PCSK6: variants seen among roughly 807,000 people sequenced by gnomAD.
PCSK6 encodes proprotein convertase subtilisin/kexin type 6.
PCSK6 carries 85 observed loss-of-function variants against 123.3 expected under a neutral mutation model. That is an observed-to-expected ratio of 0.69 (90% CI 0.58 to 0.83). The LOEUF (loss-of-function observed/expected upper bound fraction) is 0.83. Among genes scored for constraint, PCSK6 ranks in the 40% least tolerant of loss-of-function variants. The pLI is 0.00. For synonymous variants in PCSK6, 508 were observed against 516.0 expected, an observed-to-expected ratio of 0.98 and a Z score of 0.21; for missense variants, 1,191 against 1,282.3, an observed-to-expected ratio of 0.93 and a Z score of 1.09.
intron 13 of PCSK6, among the ~76,000 whole-genome samples, chr15:101,341,555 C>A (rs1415832233): frequency 1.3e-5 from 2 of 152,102 alleles, no homozygotes; most frequent in African/African-American, 2.4e-5. Flanking sequence ...AGTCCCCATG[C>A]CCGGCCTAAA....
At chr15:101,324,462 A>C (rs994438399) in intron 17 of PCSK6, among the ~76,000 whole-genome samples, 10 of 152,182 alleles carry the variant, frequency 6.6e-5, no homozygotes, top group African/African-American at 9.7e-5. Context: ...CCTGGAGGAG[A>C]AATTACAGCA....
rs528478879 is a variant in PCSK6 at position 101,384,741 on chromosome 15, C to T, written c.1311-316G>A. 2.0e-5 allele frequency among the ~76,000 whole-genome samples: 3 copies of T among 152,332 alleles called. No homozygotes were observed. In the East Asian group the frequency reaches 5.8e-4, roughly 29 times the overall value. On this transcript the variant is annotated intron_variant, in intron 9 of 21. Coordinates refer to ENST00000611716, the MANE Select transcript of PCSK6 (RefSeq NM_002570.5). ...AATTCTGAAAATACAAGACACTTAACATAATAGTAAATGTTTATTAAATAC... is the reference window on the plus strand; with the variant it reads ...AATTCTGAAAATACAAGACACTTAATATAATAGTAAATGTTTATTAAATAC...
intron 1 of PCSK6, among the ~76,000 whole-genome samples, chr15:101,479,239 C>T (rs1442502304): frequency 7.2e-5 from 11 of 152,166 alleles, no homozygotes; most frequent in Admixed American, 7.2e-4. Context: ...GTAGACCACA[C>T]AAGGAAGGGG....
chr15:101,428,445 C>A (rs1000980759), intron 5 of PCSK6, among the ~76,000 whole-genome samples: 1 of 152,152 alleles, frequency 6.6e-6, no homozygotes, highest in African/African-American at 2.4e-5. Flanking sequence ...TCACCTGCCT[C>A]ATCCCCTATG....
Position 101,350,064 on chromosome 15 carries a change from A to G in PCSK6, c.1858+16132T>C, listed in dbSNP as rs149225921. On this transcript the variant is annotated intron_variant, in intron 13 of 21. Coordinates refer to ENST00000611716, the MANE Select transcript of PCSK6 (RefSeq NM_002570.5). ...GCTGAGACTACAGGTGCACGCCACC[A>G]TGCCCGGCTAATTTTTGTATTTTTA... Among the ~76,000 whole-genome samples the G allele has an allele frequency of 7.9e-3, 1,198 of 152,178 alleles. 19 individuals are homozygous for G. The highest frequency in any genetic ancestry group is 0.027 in the African/African-American group (1,137 of 41,532).
At chr15:101,431,224 G>A (rs1567216218) in intron 4 of PCSK6, 96 bp downstream of exon 4, 5 of 1,268,324 alleles carry the variant, frequency 3.9e-6, no homozygotes, top group Non-Finnish European at 5.6e-6. Flanking sequence ...AATGGGGGCT[G>A]GGGGAGATCG....
chr15:101,389,426 CAT>C (rs1491142670), intron 9 of PCSK6, 36 bp downstream of exon 9: 5 of 1,237,460 alleles, frequency 4.0e-6, no homozygotes, highest in Non-Finnish European at 4.5e-6. Flanking sequence ...ACAATCTAAA[CAT>C]TTTTTTTTTT....
chr15:101,451,878 A>T (rs538892062), intron 1 of PCSK6, among the ~76,000 whole-genome samples: 21 of 152,238 alleles, frequency 1.4e-4, no homozygotes, highest in Non-Finnish European at 2.9e-4. Flanking sequence ...AAACGTTATA[A>T]ATATAGATGA....
chr15:101,397,098 C>T (rs990816192), intron 7 of PCSK6, among the ~76,000 whole-genome samples: 6 of 152,050 alleles, frequency 3.9e-5, no homozygotes, highest in African/African-American at 1.2e-4. Flanking sequence ...GCCTGACGCC[C>T]GGGAAAGGTA....
intron 6 of PCSK6, among the ~76,000 whole-genome samples, chr15:101,403,310 T>A (rs900025613): frequency 6.8e-6 from 1 of 147,034 alleles, no homozygotes; most frequent in South Asian, 2.3e-4. Flanking sequence ...TTAGGAGATA[T>A]ACCTAATGCT....
At chr15:101,311,120 T>G (rs1208442014) in intron 20 of PCSK6, among the ~76,000 whole-genome samples, 1 of 151,978 alleles carries the variant, frequency 6.6e-6, no homozygotes, top group Non-Finnish European at 1.5e-5. Flanking sequence ...CTGACTTTTT[T>G]TTTTCTTTTG....
At chr15:101,316,714 A>G (rs1225872467) in intron 19 of PCSK6, among the ~76,000 whole-genome samples, 8 of 152,254 alleles carry the variant, frequency 5.3e-5, no homozygotes, top group East Asian at 3.9e-4. Context: ...GGGTGGTCTG[A>G]GGTCAGCCTG....
In PCSK6 at chr15:101,369,872, C is replaced by T. The variant is rs181376288; in HGVS notation, c.1721+463G>A. 7.1e-3 allele frequency among the ~76,000 whole-genome samples: 1,086 copies of T among 152,308 alleles called. 18 individuals carry two copies. The highest frequency in any genetic ancestry group is 0.025 in the African/African-American group (1,043 of 41,568). Reference sequence around the variant, plus strand: ...GCCTGTCTGTATTCCCGGGACAGGCCCCTGCTGGTGCAGGTTCTGCAGGGC... The same window carrying T: ...GCCTGTCTGTATTCCCGGGACAGGCTCCTGCTGGTGCAGGTTCTGCAGGGC... On this transcript the variant is annotated intron_variant, in intron 12 of 21. Coordinates refer to ENST00000611716, the MANE Select transcript of PCSK6 (RefSeq NM_002570.5).
Position 101,489,354 on chromosome 15 carries a change from GC to G in PCSK6, c.297+19del. The G allele has an allele frequency of 8.8e-7, 1 of 1,140,806 alleles. No homozygotes were observed. 70.7% of individuals were successfully genotyped at this position (1,140,806 alleles called of 1,614,324 possible). On this transcript the variant is annotated intron_variant, in intron 1 of 21. Transcript: ENST00000611716. ...AGGCCGCCGGGAAAGTTTTGGGCGCGCGGGGCCGGCCGCACTCACCTGGCCC... is the reference window on the plus strand; with the variant it reads ...AGGCCGCCGGGAAAGTTTTGGGCGCGGGGGCCGGCCGCACTCACCTGGCCC...
intron 15 of PCSK6, among the ~76,000 whole-genome samples, chr15:101,329,153 C>T (rs1328274730): frequency 6.6e-6 from 1 of 152,222 alleles, no homozygotes. Context: ...TGATGCCTCT[C>T]TAGATGGGCT....
At position 101,427,815 on chromosome 15, in the gene PCSK6, G is replaced by A; in HGVS notation, c.823+77C>T. ...CAAAGCCAAAAAACAGGAGGCTGCT[G>A]AGACCAGCGGACAGGGAGCTCCCAG... On this transcript the variant is annotated intron_variant, in intron 6 of 21. Coordinates refer to ENST00000611716, the MANE Select transcript of PCSK6 (RefSeq NM_002570.5). 3.4e-6 allele frequency: 4 copies of A among 1,174,172 alleles called. No individual in the cohort carries two copies. In the South Asian group the frequency reaches 5.3e-5, roughly 16 times the overall value. 72.7% of individuals were successfully genotyped at this position (1,174,172 alleles called of 1,614,324 possible).
intron 8 of PCSK6, among the ~76,000 whole-genome samples, chr15:101,389,848 G>A (rs979711491): frequency 6.6e-6 from 1 of 152,124 alleles, no homozygotes; most frequent in Admixed American, 6.5e-5. Context: ...CCTCTCTACT[G>A]CAGAAGCGCA....
At chr15:101,316,109 G>A (rs2039985498) in intron 19 of PCSK6, among the ~76,000 whole-genome samples, 1 of 152,232 alleles carries the variant, frequency 6.6e-6, no homozygotes, top group African/African-American at 2.4e-5. Flanking sequence ...CAGGGCACAG[G>A]AAGTAGGCAG....
intron 1 of PCSK6, among the ~76,000 whole-genome samples, chr15:101,467,078 T>G (rs1171355550): frequency 6.6e-6 from 1 of 151,776 alleles, no homozygotes; most frequent in African/African-American, 2.4e-5. Context: ...AACTCTCCAG[T>G]TTAATCAGAA....
Sources: gnomAD v4.1 joint callset for allele counts (sites outside exome capture counted in the v4.1 genomes callset) on GRCh38, gnomAD v4.1.1 for gene constraint, MANE v1.5 for transcripts, NCBI Gene and HGNC (gene_info 2026-07-23, HGNC 2026-07-21) for gene names.